ITCH: variants seen among roughly 807,000 people sequenced by gnomAD.
ITCH encodes E3 ubiquitin-protein ligase Itchy homolog.
A neutral mutation model predicts 126.8 loss-of-function variants in ITCH; 28 were observed. The observed-to-expected ratio is 0.22, with a 90% CI of 0.16 to 0.30. ITCH has a LOEUF of 0.30. Among genes scored for constraint, ITCH ranks in the 10% least tolerant of loss-of-function variants. The pLI, the probability that ITCH is intolerant of heterozygous loss-of-function variation, is 1.00. For missense variants in ITCH, 631 were observed against 1,032.4 expected, an observed-to-expected ratio of 0.61 and a Z score of 5.33; for synonymous variants, 342 against 340.0, an observed-to-expected ratio of 1.01 and a Z score of -0.06.
At chr20:34,476,270 C>G (rs1988208887) in intron 16 of ITCH, 1 of 833,772 alleles carries the variant, frequency 1.2e-6, no homozygotes, top group Non-Finnish European at 2.1e-6. Flanking sequence ...ATAAAGTGGA[C>G]TGTCACTTTA....
chr20:34,432,819 T>TG (rs1246765173), intron 7 of ITCH, among the ~76,000 whole-genome samples: 1 of 151,624 alleles, frequency 6.6e-6, no homozygotes, highest in Non-Finnish European at 1.5e-5. Flanking sequence ...AAGTCCAGAA[T>TG]GGTAGCCTGC....
intron 10 of ITCH, among the ~76,000 whole-genome samples, chr20:34,444,429 C>A (rs566996326): frequency 1.3e-5 from 2 of 152,152 alleles, no homozygotes; most frequent in South Asian, 4.2e-4. Flanking sequence ...ACTAAAAATA[C>A]AAAATTAGCC....
intron 23 of ITCH, among the ~76,000 whole-genome samples, chr20:34,495,535 A>G (rs1989821280): frequency 6.6e-6 from 1 of 151,860 alleles, no homozygotes; most frequent in Admixed American, 6.6e-5. Flanking sequence ...GACAGCATGT[A>G]GTATTTATCT....
At chr20:34,447,084 TAA>T (rs1470833614) in intron 11 of ITCH, among the ~76,000 whole-genome samples, 1 of 152,200 alleles carries the variant, frequency 6.6e-6, no homozygotes, top group Non-Finnish European at 1.5e-5. Flanking sequence ...AGCATTCTTT[TAA>T]AAGAGAGATT....
chr20:34,411,676 T>G (rs1230494364), intron 4 of ITCH, among the ~76,000 whole-genome samples: 1 of 152,164 alleles, frequency 6.6e-6, no homozygotes. Flanking sequence ...TTGATCACAT[T>G]AGAGAGAATG....
intron 20 of ITCH, 129 bp downstream of exon 20, chr20:34,481,335 G>T: frequency 9.8e-7 from 1 of 1,024,740 alleles, no homozygotes; most frequent in Non-Finnish European, 1.4e-6. Context: ...TCCTATGTAG[G>T]CAGTCATTTT....
chr20:34,500,997 A>G (rs1288050613), intron 23 of ITCH, among the ~76,000 whole-genome samples: 1 of 152,166 alleles, frequency 6.6e-6, no homozygotes, highest in African/African-American at 2.4e-5. Context: ...GTATGTCTGA[A>G]GGATGGTTTT....
At chr20:34,477,240 TA>T (rs766854615) in intron 16 of ITCH, among the ~76,000 whole-genome samples, 1 of 152,148 alleles carries the variant, frequency 6.6e-6, no homozygotes. Context: ...TCATTAAAAA[TA>T]AAATCACGGC....
At chr20:34,480,181 A>G (rs1988606609) in intron 18 of ITCH, among the ~76,000 whole-genome samples, 1 of 151,446 alleles carries the variant, frequency 6.6e-6, no homozygotes, top group Admixed American at 6.6e-5. Flanking sequence ...TTACAGGTAT[A>G]AGTCACCGTG....
intron 3 of ITCH, among the ~76,000 whole-genome samples, chr20:34,407,411 C>T (rs867399431): frequency 2.6e-5 from 4 of 152,026 alleles, no homozygotes; most frequent in African/African-American, 4.8e-5. Context: ...GGATTACAGG[C>T]GCCTGCCACC....
At chr20:34,474,987 C>G (rs1312719571) in intron 16 of ITCH, among the ~76,000 whole-genome samples, 2 of 151,878 alleles carry the variant, frequency 1.3e-5, no homozygotes, top group Non-Finnish European at 2.9e-5. Context: ...GGGGTCGCGG[C>G]TGGGCAGAGG....
chr20:34,505,801 A>C (rs1158185270), intron 24 of ITCH, among the ~76,000 whole-genome samples: 1 of 152,030 alleles, frequency 6.6e-6, no homozygotes, highest in Admixed American at 6.6e-5. Context: ...TGATCCACCC[A>C]CTTTGGCCTC....
chr20:34,468,367 A>G (rs942944451), intron 14 of ITCH, among the ~76,000 whole-genome samples: 19 of 152,236 alleles, frequency 1.2e-4, no homozygotes, highest in African/African-American at 3.9e-4. Flanking sequence ...AAAATGTAAC[A>G]AAAGCTTACA....
intron 10 of ITCH, among the ~76,000 whole-genome samples, chr20:34,443,307 C>T (rs1053127328): frequency 7.3e-5 from 11 of 151,626 alleles, no homozygotes; most frequent in African/African-American, 2.7e-4. Context: ...GTCAAGAGAT[C>T]GAGACCATCC....
chr20:34,445,531 G>C, intron 11 of ITCH, 70 bp downstream of exon 11: 1 of 1,498,968 alleles, frequency 6.7e-7, no homozygotes, highest in Non-Finnish European at 9.3e-7. Context: ...ATATGTCATG[G>C]AAAGCACTAA....
chr20:34,410,879 CTCTT>C (rs1331918426), intron 4 of ITCH, among the ~76,000 whole-genome samples: 1 of 152,148 alleles, frequency 6.6e-6, no homozygotes, highest in African/African-American at 2.4e-5. Context: ...GAAAAAAACT[CTCTT>C]TGTAGTTCTA....
intron 14 of ITCH, among the ~76,000 whole-genome samples, chr20:34,463,925 C>T (rs973935623): frequency 6.6e-6 from 1 of 151,706 alleles, no homozygotes; most frequent in African/African-American, 2.4e-5. Flanking sequence ...AGATAGTGCC[C>T]TTTGATGTAT....
chr20:34,444,103 ATTATT>A (rs1984122859), intron 10 of ITCH, among the ~76,000 whole-genome samples: 1 of 152,212 alleles, frequency 6.6e-6, no homozygotes, highest in Non-Finnish European at 1.5e-5. Context: ...AAGAATATTC[ATTATT>A]TTATTATTTA....
At chr20:34,439,941 CAT>C (rs1324730676) in intron 8 of ITCH, among the ~76,000 whole-genome samples, 1 of 152,156 alleles carries the variant, frequency 6.6e-6, no homozygotes, top group Non-Finnish European at 1.5e-5. Context: ...AGTAATGGGA[CAT>C]AGGGGTAGAC....
Sources: allele counts gnomAD v4.1 joint callset (sites outside exome capture counted in the v4.1 genomes callset), GRCh38; gene constraint gnomAD v4.1.1; transcripts MANE v1.5; gene names NCBI Gene and HGNC (gene_info 2026-07-23, HGNC 2026-07-21).